Variants in CEP85L observed in about 807,000 individuals in gnomAD.
CEP85L encodes the protein centrosomal protein of 85 kDa-like.
A neutral mutation model predicts 100.3 loss-of-function variants in CEP85L; 60 were observed. The ratio of observed to expected loss-of-function variants is 0.60; its 90% CI spans 0.49 to 0.74. CEP85L has a LOEUF of 0.74. Ranked by LOEUF, CEP85L falls within the 30% of genes least tolerant of loss-of-function variation. The probability of loss-of-function intolerance (pLI) is 0.00; values close to 1 mark genes in which losing one functional copy is unlikely to be tolerated. For missense variants in CEP85L, 973 were observed against 936.2 expected, an observed-to-expected ratio of 1.04 and a Z score of -0.51; for synonymous variants, 319 against 322.7, an observed-to-expected ratio of 0.99 and a Z score of 0.12.
Position 118,600,299 on chromosome 6 carries a change from GGGTGTGTGTGT to G in CEP85L, c.232+32143_232+32153del, listed in dbSNP as rs1562297721. Among the ~76,000 whole-genome samples, 78 of 89,008 alleles carry G rather than the reference GGGTGTGTGTGT, an allele frequency of 8.8e-4. 8 individuals carry two copies. Among genetic ancestry groups the G allele is most frequent in the African/African-American group, 2.0e-3 (47 of 23,204 alleles). The allele number at this position is 89,008 out of a possible 152,430, so 58.4% of individuals were successfully genotyped here. A position where few individuals can be genotyped will look rare whatever the true frequency, so the allele number is the denominator to read the frequency against. The stretch of plus-strand genomic sequence containing the variant: ...ACTGCCTGTCCCTGAGCCTTCCTGG[GGGTGTGTGTGT>G]GTGTGTGTGTGTGTGTGTGTGTGTG... On this transcript the variant is annotated intron_variant, in intron 2 of 12. Coordinates refer to ENST00000368491, the MANE Select transcript of CEP85L (RefSeq NM_001042475.3).
At chr6:118,614,364 A>C (rs1772872122) in intron 2 of CEP85L, among the ~76,000 whole-genome samples, 1 of 152,320 alleles carries the variant, frequency 6.6e-6, no homozygotes, top group Admixed American at 6.5e-5. Flanking sequence ...ACATTGTGCT[A>C]GATTCTTCTA....
rs1209782027 is a variant in CEP85L, at chr6:118,709,532, C to CGTGTGTGTGTGTGTGTGTGTGTGTGTGT, written c.-28+503_-28+504insACACACACACACACACACACACACACAC. Among the ~76,000 whole-genome samples the CGTGTGTGTGTGTGTGTGTGTGTGTGTGT allele has an allele frequency of 4.8e-3, 422 of 87,044 alleles. 6 individuals are homozygous for CGTGTGTGTGTGTGTGTGTGTGTGTGTGT. Among genetic ancestry groups the CGTGTGTGTGTGTGTGTGTGTGTGTGTGT allele is most frequent in the Admixed American group, 9.0e-3 (62 of 6,894 alleles). The allele number at this position is 87,044 out of a possible 152,430, so 57.1% of individuals were successfully genotyped here. A position where few individuals can be genotyped will look rare whatever the true frequency, so the allele number is the denominator to read the frequency against. ...AAAGATAACCAGTAACAACAATTGG[C>CGTGTGTGTGTGTGTGTGTGTGTGTGTGT]GTGTGTGTGTGTGTGTGTGTGTGTG... On this transcript the variant is annotated intron_variant, in intron 1 of 13. Coordinates refer to the CEP85L transcript ENST00000368488.
At chr6:118,515,117 T>C (rs1403514331) in intron 4 of CEP85L, among the ~76,000 whole-genome samples, 1 of 152,072 alleles carries the variant, frequency 6.6e-6, no homozygotes, top group Admixed American at 6.6e-5. Context: ...CCAAAACAGA[T>C]TGTTAGAGCA....
chr6:118,609,261 A>C (rs1490771400), intron 2 of CEP85L, among the ~76,000 whole-genome samples: 1 of 152,176 alleles, frequency 6.6e-6, no homozygotes, highest in Non-Finnish European at 1.5e-5. Flanking sequence ...AGGAAACGAA[A>C]TAAAGGGAGA....
In CEP85L at chr6:118,600,300, G is replaced by GGGGTGTGTGT. The variant is rs1562297733; in HGVS notation, c.232+32152_232+32153insACACACACCC. ...CTGCCTGTCCCTGAGCCTTCCTGGG[G>GGGGTGTGTGT]GTGTGTGTGTGTGTGTGTGTGTGTG... On this transcript the variant is annotated intron_variant, in intron 2 of 12. Transcript: ENST00000368491. Among the ~76,000 whole-genome samples the GGGGTGTGTGT allele has an allele frequency of 2.1e-4, 11 of 52,246 alleles. 1 individual carries two copies. The highest frequency in any genetic ancestry group is 2.8e-4 in the Non-Finnish European group (7 of 24,780). 34.3% of individuals were successfully genotyped at this position (52,246 alleles called of 152,430 possible). A position where few individuals can be genotyped will look rare whatever the true frequency, so the allele number is the denominator to read the frequency against.
intron 2 of CEP85L, among the ~76,000 whole-genome samples, chr6:118,616,944 C>CAA (rs771551037): frequency 9.5e-6 from 1 of 105,738 alleles, no homozygotes; most frequent in Non-Finnish European, 2.0e-5. Flanking sequence ...GACTCTGTGT[C>CAA]AAAAAAAAAA....
chr6:118,669,281 C>G (rs944377419), intron 1 of CEP85L, among the ~76,000 whole-genome samples: 1 of 152,180 alleles, frequency 6.6e-6, no homozygotes, highest in African/African-American at 2.4e-5. Context: ...CTTACCAACT[C>G]AGATCTGCTT....
intron 1 of CEP85L, among the ~76,000 whole-genome samples, chr6:118,668,917 GC>G (rs1776212067): frequency 6.6e-6 from 1 of 152,110 alleles, no homozygotes; most frequent in South Asian, 2.1e-4. Context: ...CTGTAGCCTG[GC>G]CCTACATTCC....
At chr6:118,561,497 AAAG>A (rs1221730616) in intron 3 of CEP85L, among the ~76,000 whole-genome samples, 2 of 152,264 alleles carry the variant, frequency 1.3e-5, no homozygotes, top group East Asian at 1.9e-4. Flanking sequence ...CATAAAGTGT[AAAG>A]AATAAGATAT....
At chr6:118,602,567 C>T (rs767040697) in intron 2 of CEP85L, among the ~76,000 whole-genome samples, 2 of 152,168 alleles carry the variant, frequency 1.3e-5, no homozygotes, top group East Asian at 3.9e-4. Context: ...GGTTAGCCTA[C>T]GTTGCAGAAA....
At chr6:118,566,436 G>C in intron 2 of CEP85L, 120 bp from the exon 3 acceptor site, 3 of 858,154 alleles carry the variant, frequency 3.5e-6, no homozygotes, top group Non-Finnish European at 1.7e-6. Context: ...TTTTTTTTTT[G>C]AGACGTAGTT....
At chr6:118,527,520 CTA>C (rs915181205) in intron 3 of CEP85L, among the ~76,000 whole-genome samples, 14 of 152,090 alleles carry the variant, frequency 9.2e-5, no homozygotes, top group Non-Finnish European at 1.6e-4. Flanking sequence ...AAATTTAACA[CTA>C]TAAACAATAT....
intron 10 of CEP85L, among the ~76,000 whole-genome samples, chr6:118,472,111 T>C (rs1481585521): frequency 6.6e-6 from 1 of 151,900 alleles, no homozygotes; most frequent in East Asian, 1.9e-4. Flanking sequence ...AGAATAATTA[T>C]AATAATGATA....
At chr6:118,491,238 C>T (rs1007962138) in intron 6 of CEP85L, among the ~76,000 whole-genome samples, 3 of 124,056 alleles carry the variant, frequency 2.4e-5, no homozygotes, top group Admixed American at 7.7e-5. Context: ...CACACACACA[C>T]ATATGCATGC....
chr6:118,486,919 G>A (rs1774224682), intron 6 of CEP85L, among the ~76,000 whole-genome samples: 1 of 151,892 alleles, frequency 6.6e-6, no homozygotes, highest in South Asian at 2.1e-4. Flanking sequence ...AAAATTACCT[G>A]AAAGAATTCA....
intron 3 of CEP85L, among the ~76,000 whole-genome samples, chr6:118,532,900 A>G (rs1777372573): frequency 6.6e-6 from 1 of 152,194 alleles, no homozygotes; most frequent in South Asian, 2.1e-4. Context: ...CAATACTATC[A>G]TTTTGGGGGA....
chr6:118,544,477 A>G (rs1410350187), intron 3 of CEP85L, among the ~76,000 whole-genome samples: 1 of 152,120 alleles, frequency 6.6e-6, no homozygotes, highest in African/African-American at 2.4e-5. Context: ...TCATTTCCAT[A>G]TTATTTGTAT....
intron 4 of CEP85L, among the ~76,000 whole-genome samples, chr6:118,521,406 A>G (rs952699352): frequency 7.2e-5 from 11 of 152,384 alleles, no homozygotes; most frequent in African/African-American, 2.6e-4. Context: ...TCTGTTTTAT[A>G]CAATATCAAA....
chr6:118,534,036 A>AGT (rs142119318), intron 3 of CEP85L, among the ~76,000 whole-genome samples: 1,682 of 152,156 alleles, frequency 0.011, 39 homozygotes, highest in African/African-American at 0.039. Flanking sequence ...CGGAGGTTAC[A>AGT]GTGAGCTGAG....
Sources: allele counts gnomAD v4.1 joint callset (sites outside exome capture counted in the v4.1 genomes callset), GRCh38; gene constraint gnomAD v4.1.1; transcripts MANE v1.5; gene names NCBI Gene and HGNC (gene_info 2026-07-23, HGNC 2026-07-21).